Variants in SIPA1L1 observed in about 807,000 individuals in gnomAD.
SIPA1L1 encodes signal induced proliferation associated 1 like 1.
A neutral mutation model predicts 162.7 loss-of-function variants in SIPA1L1; 26 were observed. The observed-to-expected ratio is 0.16, with a 90% CI of 0.12 to 0.22. The LOEUF (loss-of-function observed/expected upper bound fraction) is 0.22. SIPA1L1 is among the 10% of genes least tolerant of loss of function. The probability of loss-of-function intolerance (pLI) is 1.00; values close to 1 mark genes in which losing one functional copy is unlikely to be tolerated. For missense variants in SIPA1L1, 1,874 were observed against 2,241.0 expected, an observed-to-expected ratio of 0.84 and a Z score of 3.31; for synonymous variants, 829 against 837.4, an observed-to-expected ratio of 0.99 and a Z score of 0.17.
At chr14:71,636,066 A>G (rs1417146015) in intron 7 of SIPA1L1, among the ~76,000 whole-genome samples, 1 of 152,194 alleles carries the variant, frequency 6.6e-6, no homozygotes, top group East Asian at 1.9e-4. Flanking sequence ...AAGGAAAAAA[A>G]CTGATGAAAC....
chr14:71,506,299 C>T (rs182696086), intron 2 of SIPA1L1, among the ~76,000 whole-genome samples: 50 of 152,144 alleles, frequency 3.3e-4, no homozygotes, highest in African/African-American at 1.2e-3. Context: ...TACATAAGAT[C>T]CTTTTCTGGG....
At chr14:71,702,584 A>G in intron 15 of SIPA1L1, 79 bp downstream of exon 15, 1 of 1,282,982 alleles carries the variant, frequency 7.8e-7, no homozygotes, top group South Asian at 1.4e-5. Flanking sequence ...TTATCAAAAC[A>G]TTGTTATAAA....
At chr14:71,508,354 CT>C (rs1567123932) in intron 2 of SIPA1L1, among the ~76,000 whole-genome samples, 1 of 152,148 alleles carries the variant, frequency 6.6e-6, no homozygotes, top group Non-Finnish European at 1.5e-5. Context: ...CCCCATTTTT[CT>C]CTTGTTTCTT....
intron 7 of SIPA1L1, among the ~76,000 whole-genome samples, chr14:71,630,361 G>A (rs1467469116): frequency 6.6e-6 from 1 of 152,174 alleles, no homozygotes; most frequent in Non-Finnish European, 1.5e-5. Flanking sequence ...TTGGATGACA[G>A]GATAGAGTCC....
intron 2 of SIPA1L1, among the ~76,000 whole-genome samples, chr14:71,353,072 A>C (rs1477144941): frequency 6.6e-6 from 1 of 152,246 alleles, no homozygotes; most frequent in African/African-American, 2.4e-5. Flanking sequence ...AAAAGAGTGA[A>C]TTTCACCATA....
At chr14:71,365,907 T>TG (rs71105773) in intron 2 of SIPA1L1, among the ~76,000 whole-genome samples, 1 of 140,030 alleles carries the variant, frequency 7.1e-6, no homozygotes, top group Non-Finnish European at 1.5e-5. Flanking sequence ...TTTTTTTTTT[T>TG]AAGAGATGGG....
At chr14:71,417,229 T>C (rs1039504488) in intron 2 of SIPA1L1, among the ~76,000 whole-genome samples, 2 of 151,714 alleles carry the variant, frequency 1.3e-5, no homozygotes, top group Admixed American at 6.6e-5. Flanking sequence ...AAAATCCTAT[T>C]GGGAGGCCGA....
At chr14:71,695,990 A>G (rs561960792) in intron 13 of SIPA1L1, among the ~76,000 whole-genome samples, 6 of 152,310 alleles carry the variant, frequency 3.9e-5, no homozygotes, top group Admixed American at 6.5e-5. Flanking sequence ...GAAATTTGCA[A>G]TATGTCTCAG....
At chr14:71,460,571 G>GTGGCA (rs546439985) in intron 2 of SIPA1L1, among the ~76,000 whole-genome samples, 45 of 152,118 alleles carry the variant, frequency 3.0e-4, no homozygotes, top group Non-Finnish European at 6.0e-4. Flanking sequence ...AAGTGTCCAG[G>GTGGCA]TGGCAATCTC....
chr14:71,610,017 T>G (rs1473991053), intron 5 of SIPA1L1, among the ~76,000 whole-genome samples: 1 of 152,146 alleles, frequency 6.6e-6, no homozygotes, highest in East Asian at 1.9e-4. Flanking sequence ...CTTTCTTATT[T>G]CATGAAAAAA....
chr14:71,382,875 C>G lies in SIPA1L1; in HGVS notation c.-465+61694C>G, dbSNP rs931106362. ...GCCTTGTCGAGGAAATCAGAAGTGA[C>G]CATAATCATAACACAGTGATGGGTG... On this transcript the variant is annotated intron_variant, in intron 2 of 23. Coordinates refer to ENST00000381232, the MANE Select transcript of SIPA1L1 (RefSeq NM_001386936.1). Among the ~76,000 whole-genome samples the G allele has an allele frequency of 4.6e-5, 7 of 151,984 alleles. No homozygotes were observed. In the South Asian group the frequency reaches 8.3e-4, roughly 18 times the overall value.
In SIPA1L1 at chr14:71,719,331, C is replaced by G. The variant is rs77377901; in HGVS notation, c.4209-4316C>G. 7.4e-3 allele frequency among the ~76,000 whole-genome samples: 1,129 copies of G among 152,238 alleles called. 13 individuals are homozygous for G. The highest frequency in any genetic ancestry group is 0.025 in the African/African-American group (1,059 of 41,538). ...ATGCAATATCCATGTCAAGAATATA[C>G]ATATGTTCAACTTAGTAGGGTCTCT... On this transcript the variant is annotated intron_variant, in intron 17 of 23. Coordinates refer to ENST00000381232, the MANE Select transcript of SIPA1L1 (RefSeq NM_001386936.1).
At chr14:71,430,743 CAG>C (rs1344984211) in intron 2 of SIPA1L1, among the ~76,000 whole-genome samples, 1 of 152,208 alleles carries the variant, frequency 6.6e-6, no homozygotes, top group East Asian at 1.9e-4. Context: ...TGAGAAACCA[CAG>C]GGGCAGCTTT....
intron 4 of SIPA1L1, among the ~76,000 whole-genome samples, chr14:71,547,289 T>G (rs10129301): frequency 0.43 from 62,841 of 146,642 alleles, 14,006 homozygotes; most frequent in Admixed American, 0.52. Flanking sequence ...AATATGAAAA[T>G]AACTTTTTTT....
chr14:71,585,205 A>C (rs540047480), intron 4 of SIPA1L1, among the ~76,000 whole-genome samples: 1 of 151,882 alleles, frequency 6.6e-6, no homozygotes, highest in African/African-American at 2.4e-5. Context: ...ATAGAAAAGG[A>C]AGGTCCTTAT....
At chr14:71,642,464 T>A (rs2041812386) in intron 7 of SIPA1L1, among the ~76,000 whole-genome samples, 1 of 152,190 alleles carries the variant, frequency 6.6e-6, no homozygotes, top group African/African-American at 2.4e-5. Flanking sequence ...GAGTAGAGCC[T>A]CACAATGCTT....
intron 2 of SIPA1L1, among the ~76,000 whole-genome samples, chr14:71,333,127 C>CA (rs2034739303): frequency 6.6e-6 from 1 of 152,158 alleles, no homozygotes; most frequent in African/African-American, 2.4e-5. Context: ...TCTGTTGTTA[C>CA]AGGTAGCACC....
In SIPA1L1 at chr14:71,362,734, G is replaced by A. The variant is rs532651057; in HGVS notation, c.-465+41553G>A. On this transcript the variant is annotated intron_variant, in intron 2 of 23. Coordinates refer to ENST00000381232, the MANE Select transcript of SIPA1L1 (RefSeq NM_001386936.1). ...GTGAAATTTCCAATTAAAATATCCT[G>A]TAGTGTTGACTGTAGTCTAATTTCC... Among the ~76,000 whole-genome samples, 15 of 152,096 alleles carry A rather than the reference G, an allele frequency of 9.9e-5. No homozygotes were observed. The Middle Eastern group carries it at 0.014, about 138-fold the overall frequency.
chr14:71,701,226 C>T (rs1425457876), intron 14 of SIPA1L1, among the ~76,000 whole-genome samples: 2 of 151,916 alleles, frequency 1.3e-5, no homozygotes, highest in East Asian at 1.9e-4. Flanking sequence ...TTATCTCCTG[C>T]CTTTCTGTGC....
Sources: allele counts gnomAD v4.1 joint callset (sites outside exome capture counted in the v4.1 genomes callset), GRCh38; gene constraint gnomAD v4.1.1; transcripts MANE v1.5; gene names NCBI Gene and HGNC (gene_info 2026-07-23, HGNC 2026-07-21).